ATF6: variants seen among roughly 807,000 people sequenced by gnomAD.
The protein encoded by ATF6 is cyclic AMP-dependent transcription factor ATF-6 alpha.
In ATF6, 53 loss-of-function variants were observed where a neutral mutation model predicts 83.6. The ratio of observed to expected loss-of-function variants is 0.63; its 90% CI spans 0.51 to 0.80. The LOEUF (loss-of-function observed/expected upper bound fraction) is 0.80. Among genes scored for constraint, ATF6 ranks in the 30% least tolerant of loss-of-function variants. The pLI, the probability that ATF6 is intolerant of heterozygous loss-of-function variation, is 0.00. For synonymous variants in ATF6, 288 were observed against 285.8 expected (o/e 1.01, Z -0.08); for missense variants, 744 against 797.9 (o/e 0.93, Z 0.81).
intron 14 of ATF6, among the ~76,000 whole-genome samples, chr1:161,908,180 A>G (rs1176423392): frequency 6.6e-6 from 1 of 152,224 alleles, no homozygotes; most frequent in Non-Finnish European, 1.5e-5. Context: ...GGGAAGGGTC[A>G]TTTAATCAGT....
At chr1:161,769,331 C>G (rs1684334927) in intron 1 of ATF6, among the ~76,000 whole-genome samples, 1 of 152,190 alleles carries the variant, frequency 6.6e-6, no homozygotes, top group Non-Finnish European at 1.5e-5. Context: ...CCCTTCATCC[C>G]CAGCTTCTCC....
rs1258030421 is a variant in ATF6, at chr1:161,863,243, A to C, written c.1650A>C (p.Arg550Ser). The C allele has an allele frequency of 1.2e-6, 2 of 1,613,316 alleles. No individual in the cohort carries two copies. Among genetic ancestry groups the C allele is most frequent in the Admixed American group, 3.3e-5 (2 of 60,020 alleles). The change falls in exon 14 of 16, where the codon AGA becomes AGC. Residue 550 changes from arginine (R) to serine (S), a missense_variant. Physicochemically the swap from Arg to Ser is moderately radical, Grantham distance 110 (BLOSUM62 -1). Coordinates refer to ENST00000367942, the MANE Select transcript of ATF6 (RefSeq NM_007348.4). ...TACAAGTGTATTATGCTTCACCCAGAAGTTATCAAGACTTTTTTGAAGCCA... is the reference window on the plus strand; with the variant it reads ...TACAAGTGTATTATGCTTCACCCAGCAGTTATCAAGACTTTTTTGAAGCCA... ...SELQVYYASP[R>S]SYQDFFEAIR...
chr1:161,897,128 T>C (rs1687691290), intron 14 of ATF6, among the ~76,000 whole-genome samples: 2 of 152,154 alleles, frequency 1.3e-5, no homozygotes, highest in Admixed American at 1.3e-4. Flanking sequence ...ATAATATTTT[T>C]ACTGAATTAA....
chr1:161,904,418 T>C (rs1687845019), intron 14 of ATF6, among the ~76,000 whole-genome samples: 1 of 151,940 alleles, frequency 6.6e-6, no homozygotes, highest in Non-Finnish European at 1.5e-5. Flanking sequence ...CGAAGCACTG[T>C]CTCTACTAAA....
intron 12 of ATF6, among the ~76,000 whole-genome samples, chr1:161,857,208 G>A (rs991634542): frequency 1.3e-5 from 2 of 151,820 alleles, no homozygotes; most frequent in African/African-American, 4.8e-5. Context: ...TTTTCTTCCG[G>A]TTACCTCTTT....
At chr1:161,894,521 CTTTTTTTTTTTT>C (rs71093131) in intron 14 of ATF6, among the ~76,000 whole-genome samples, 50 of 44,858 alleles carry the variant, frequency 1.1e-3, no homozygotes, top group East Asian at 1.3e-3. Flanking sequence ...GTTTTGTAGT[CTTTTTTTTTTTT>C]TTTTTTTTTT....
At chr1:161,933,915 C>T (rs1320873422) in intron 15 of ATF6, among the ~76,000 whole-genome samples, 1 of 152,212 alleles carries the variant, frequency 6.6e-6, no homozygotes, top group African/African-American at 2.4e-5. Context: ...CGCTTCACTT[C>T]ATTTACTTCT....
At chr1:161,790,552 G>A (rs916626959) in intron 4 of ATF6, among the ~76,000 whole-genome samples, 1 of 152,174 alleles carries the variant, frequency 6.6e-6, no homozygotes, top group Non-Finnish European at 1.5e-5. Context: ...GTTCACGCCT[G>A]TAATCCCAGC....
intron 15 of ATF6, among the ~76,000 whole-genome samples, chr1:161,921,351 C>G (rs1688208947): frequency 6.6e-6 from 1 of 151,946 alleles, no homozygotes; most frequent in Non-Finnish European, 1.5e-5. Flanking sequence ...AATGAAGACT[C>G]TATTAAGAGA....
chr1:161,791,062 ATGTGTGTGTGTGTGTGTGTGTCTC>A (rs1172854642), intron 4 of ATF6, among the ~76,000 whole-genome samples: 2 of 137,314 alleles, frequency 1.5e-5, no homozygotes, highest in African/African-American at 6.5e-5. Context: ...CAAGTTTTAT[ATGTGTGTGTGTGTGTGTGTGTCTC>A]TGTGTGTGTG....
intron 15 of ATF6, among the ~76,000 whole-genome samples, chr1:161,947,810 CTTTTTTTTTTTTT>C (rs10524670): frequency 3.5e-5 from 2 of 57,548 alleles, no homozygotes; most frequent in African/African-American, 8.5e-5. Context: ...TAAGCCACGC[CTTTTTTTTTTTTT>C]TTTTTTTTTT....
At chr1:161,954,501 T>C (rs1438552738) in intron 15 of ATF6, among the ~76,000 whole-genome samples, 1 of 152,240 alleles carries the variant, frequency 6.6e-6, no homozygotes, top group East Asian at 1.9e-4. Flanking sequence ...TGGTGAAGTC[T>C]TATCACTTTT....
intron 15 of ATF6, among the ~76,000 whole-genome samples, chr1:161,917,131 C>G (rs1352778757): frequency 1.3e-5 from 2 of 152,182 alleles, no homozygotes; most frequent in African/African-American, 4.8e-5. Flanking sequence ...GAGGCACTTT[C>G]ATTTACATTA....
chr1:161,920,564 G>A (rs1332962098), intron 15 of ATF6, among the ~76,000 whole-genome samples: 3 of 152,008 alleles, frequency 2.0e-5, no homozygotes, highest in African/African-American at 7.2e-5. Context: ...AAAGTGCTGG[G>A]ATTACAGGTG....
At chr1:161,812,577 G>A (rs1426612242) in intron 7 of ATF6, among the ~76,000 whole-genome samples, 32 of 151,604 alleles carry the variant, frequency 2.1e-4, no homozygotes, top group African/African-American at 7.2e-4. Flanking sequence ...ATTTTTAGTA[G>A]AGACGGGGTT....
At chr1:161,882,489 C>A (rs1687340984) in intron 14 of ATF6, among the ~76,000 whole-genome samples, 1 of 151,986 alleles carries the variant, frequency 6.6e-6, no homozygotes, top group East Asian at 1.9e-4. Flanking sequence ...CAGAATCAGA[C>A]TCTAGAGTGA....
chr1:161,937,051 C>T (rs1688549299), intron 15 of ATF6, among the ~76,000 whole-genome samples: 1 of 152,152 alleles, frequency 6.6e-6, no homozygotes, highest in South Asian at 2.1e-4. Flanking sequence ...CTTGCACTAC[C>T]ACTTTGGACC....
intron 14 of ATF6, among the ~76,000 whole-genome samples, chr1:161,905,463 C>T (rs1038070909): frequency 1.3e-5 from 2 of 152,134 alleles, no homozygotes; most frequent in African/African-American, 4.8e-5. Flanking sequence ...ACCTGACCCC[C>T]TGTGGTCTGC....
chr1:161,827,342 T>C (rs766000640), intron 9 of ATF6, among the ~76,000 whole-genome samples: 3 of 152,186 alleles, frequency 2.0e-5, no homozygotes, highest in Non-Finnish European at 4.4e-5. Flanking sequence ...AAGATATTTA[T>C]TGAACAAGTG....
Sources: gnomAD v4.1 joint callset for allele counts (sites outside exome capture counted in the v4.1 genomes callset) on GRCh38, gnomAD v4.1.1 for gene constraint, MANE v1.5 for transcripts, NCBI Gene and HGNC (gene_info 2026-07-23, HGNC 2026-07-21) for gene names.